PIP5K1C: variants seen among roughly 807,000 people sequenced by gnomAD.
PIP5K1C encodes phosphatidylinositol-4-phosphate 5-kinase type 1 gamma.
In PIP5K1C, 45 loss-of-function variants were observed where a neutral mutation model predicts 80.1. The observed-to-expected ratio is 0.56, with a 90% CI of 0.44 to 0.72. The LOEUF is 0.72. PIP5K1C is among the 30% of genes least tolerant of loss of function. The pLI, the probability that PIP5K1C is intolerant of heterozygous loss-of-function variation, is 0.00. For synonymous variants in PIP5K1C, 498 were observed against 420.1 expected (o/e 1.19, Z -2.27); for missense variants, 753 against 954.6 (o/e 0.79, Z 2.78).
intron 3 of PIP5K1C, among the ~76,000 whole-genome samples, chr19:3,663,858 AT>A (rs1311570119): frequency 6.6e-6 from 1 of 152,208 alleles, no homozygotes; most frequent in African/African-American, 2.4e-5. Flanking sequence ...TGACTTGGCA[AT>A]TCCACTCCTG....
rs1250389568 is a variant in PIP5K1C at position 3,637,460 on chromosome 19, GC to G, written c.1920+1423del. On this transcript the variant is annotated intron_variant, in intron 16 of 17. Transcript: ENST00000335312. The surrounding 1 kb of genome is among the most constrained non-coding windows in gnomAD (Gnocchi z 7.0). ...ACTGACGTCAGACACTGAGCTTCCG[GC>G]CGGGGACCTGCGGCTCCCTGCTGCC... is the stretch of plus-strand genomic sequence containing the variant. 18 of 1,535,704 alleles carry G rather than the reference GC, an allele frequency of 1.2e-5. No homozygotes were observed. The highest frequency in any genetic ancestry group is 1.6e-5 in the Non-Finnish European group (18 of 1,146,816).
intron 1 of PIP5K1C, among the ~76,000 whole-genome samples, chr19:3,677,316 C>A (rs1318083749): frequency 6.6e-6 from 1 of 151,996 alleles, no homozygotes; most frequent in Non-Finnish European, 1.5e-5. Context: ...TTTACGGTGG[C>A]TCACGCCTGT....
chr19:3,661,744 A>T, intron 4 of PIP5K1C, 127 bp downstream of exon 4: 1 of 1,128,258 alleles, frequency 8.9e-7, no homozygotes, highest in Non-Finnish European at 1.3e-6. Flanking sequence ...CCAGAGCTCA[A>T]GGCCAAGGAG....
intron 16 of PIP5K1C, 88 bp downstream of exon 16, chr19:3,638,796 T>A: frequency 6.5e-7 from 1 of 1,536,952 alleles, no homozygotes; most frequent in Non-Finnish European, 9.0e-7. Context: ...TGTGTGCAGG[T>A]GTGTGTATGC....
At chr19:3,667,770 A>C (rs1412638318) in intron 1 of PIP5K1C, among the ~76,000 whole-genome samples, 10 of 151,220 alleles carry the variant, frequency 6.6e-5, no homozygotes, top group African/African-American at 9.9e-5. Context: ...GGCAGTCAAC[A>C]ACTGAGCAGG....
chr19:3,633,599 A>G, intron 16 of PIP5K1C, 79 bp from the exon 17 acceptor site: 1 of 969,050 alleles, frequency 1.0e-6, no homozygotes, highest in Non-Finnish European at 1.4e-6. Context: ...GGGAGGAAGG[A>G]AGAGACAGGA....
intron 1 of PIP5K1C, among the ~76,000 whole-genome samples, chr19:3,682,052 A>C (rs2035606094): frequency 1.3e-5 from 2 of 152,124 alleles, no homozygotes; most frequent in African/African-American, 4.8e-5. Context: ...AGAGGGAGAC[A>C]AAGAGAAGGT....
intron 1 of PIP5K1C, among the ~76,000 whole-genome samples, chr19:3,674,763 C>A (rs1013376652): frequency 2.0e-5 from 3 of 152,218 alleles, no homozygotes; most frequent in Non-Finnish European, 4.4e-5. Flanking sequence ...GGCCTCCCAG[C>A]GTGCTGCGAT....
rs907096776 is a variant in PIP5K1C, at chr19:3,637,812, C to G, written c.1920+1072G>C. 36 of 1,534,980 alleles carry G rather than the reference C, an allele frequency of 2.3e-5. No homozygotes were observed. Among genetic ancestry groups the G allele is most frequent in the Non-Finnish European group, 3.1e-5 (36 of 1,146,650 alleles). On this transcript the variant is annotated intron_variant, in intron 16 of 17. Coordinates refer to ENST00000335312, the MANE Select transcript of PIP5K1C (RefSeq NM_012398.3). The surrounding 1 kb of genome is among the most constrained non-coding windows in gnomAD (Gnocchi z 7.0). ...ACCCTTCTCCCTTCTCTGCTGCCCACCTGGCAGGGCATCAGGACACAGACA... is the reference window on the plus strand; with the variant it reads ...ACCCTTCTCCCTTCTCTGCTGCCCAGCTGGCAGGGCATCAGGACACAGACA...
Position 3,698,162 on chromosome 19 carries a change from G to A in PIP5K1C, c.94+2135C>T, listed in dbSNP as rs545853597. The stretch of plus-strand genomic sequence containing the variant: ...TGAGCGGTGACTCCAGAAACCACGG[G>A]CATGGGCCTCAGCAGGGGCCTGGAG... On this transcript the variant is annotated intron_variant, in intron 1 of 17. Coordinates refer to ENST00000335312, the MANE Select transcript of PIP5K1C (RefSeq NM_012398.3). Among the ~76,000 whole-genome samples the A allele has an allele frequency of 2.6e-5, 4 of 152,374 alleles. No homozygotes were observed. In the South Asian group the frequency reaches 8.3e-4, roughly 32 times the overall value.
intron 7 of PIP5K1C, among the ~76,000 whole-genome samples, 154 bp from the exon 8 acceptor site, chr19:3,652,185 G>A (rs2034477165): frequency 6.6e-6 from 1 of 152,244 alleles, no homozygotes; most frequent in Non-Finnish European, 1.5e-5. Flanking sequence ...GGGTTCTAGT[G>A]TTATCCTGAG....
rs2035823034 is a variant in PIP5K1C, at chr19:3,688,074, G to A, written c.94+12223C>T. On this transcript the variant is annotated intron_variant, in intron 1 of 17. Transcript: ENST00000335312. This position sits in a 1 kb window ranked among gnomAD's most constrained non-coding sequence, Gnocchi z 5.3. ...GTCAGGGTGCACAGAGCACACGCCA[G>A]CCCCTGGGGGAAGCCCGGCCCGTGC... Among the ~76,000 whole-genome samples the A allele has an allele frequency of 6.6e-6, 1 of 152,128 alleles. No homozygotes were observed.
At chr19:3,683,681 G>A (rs931690384) in intron 1 of PIP5K1C, among the ~76,000 whole-genome samples, 1 of 152,292 alleles carries the variant, frequency 6.6e-6, no homozygotes, top group East Asian at 1.9e-4. Flanking sequence ...CCCAGTCTGC[G>A]TCACCACAGC....
intron 16 of PIP5K1C, among the ~76,000 whole-genome samples, chr19:3,634,017 C>T (rs1599911030): frequency 1.3e-5 from 2 of 152,100 alleles, no homozygotes; most frequent in African/African-American, 4.8e-5. Flanking sequence ...TATATGGCTG[C>T]CTGCGGGCAG....
rs976875698 is a variant in PIP5K1C, at chr19:3,692,195, G to T, written c.94+8102C>A. ...AAATGAGGAAACTGAGGCACGGAGC[G>T]GCTGGGCAACCGAACCCAATCATCT... On this transcript the variant is annotated intron_variant, in intron 1 of 17. Coordinates refer to ENST00000335312, the MANE Select transcript of PIP5K1C (RefSeq NM_012398.3). This position sits in a 1 kb window ranked among gnomAD's most constrained non-coding sequence, Gnocchi z 5.2. 6.6e-6 allele frequency among the ~76,000 whole-genome samples: 1 copy of T among 152,146 alleles called. No individual in the cohort carries two copies. Among genetic ancestry groups the T allele is most frequent in the African/African-American group, 2.4e-5 (1 of 41,420 alleles).
Position 3,644,072 on chromosome 19 carries a change from C to T in PIP5K1C, c.1510+15G>A, listed in dbSNP as rs1277999798. 6.2e-7 allele frequency: 1 copy of T among 1,609,802 alleles called. No homozygotes were observed. Among genetic ancestry groups the T allele is most frequent in the South Asian group, 1.1e-5 (1 of 91,010 alleles). The stretch of plus-strand genomic sequence containing the variant: ...CTGTAGCGCCCACAAGCGCACTCTG[C>T]CCTCTGCCCCTCACCTTCGTCCTCC... On this transcript the variant is annotated intron_variant, in intron 12 of 17. Coordinates refer to ENST00000335312, the MANE Select transcript of PIP5K1C (RefSeq NM_012398.3).
At chr19:3,668,605 C>T (rs925117386) in intron 1 of PIP5K1C, among the ~76,000 whole-genome samples, 2 of 152,172 alleles carry the variant, frequency 1.3e-5, no homozygotes, top group Non-Finnish European at 2.9e-5. Context: ...CTCCTGGCCT[C>T]GGAGCCCTGA....
At chr19:3,646,083 C>A (rs1265393569) in intron 10 of PIP5K1C, 25 bp from the exon 11 acceptor site, 1 of 1,494,988 alleles carries the variant, frequency 6.7e-7, no homozygotes, top group Non-Finnish European at 9.3e-7. Flanking sequence ...GGGGGGGTGC[C>A]CGGGGGCAGA....
At position 3,678,054 on chromosome 19, in the gene PIP5K1C, T is replaced by C. The variant is rs371819723; in HGVS notation, c.95-10701A>G. On this transcript the variant is annotated intron_variant, in intron 1 of 17. Coordinates refer to ENST00000335312, the MANE Select transcript of PIP5K1C (RefSeq NM_012398.3). ...GGATGGAGAATGGAGGGATGGAGAA[T>C]GGAGGGATGGAGAGATGGAAGGAGA... is the stretch of plus-strand genomic sequence containing the variant. 1.2e-3 allele frequency among the ~76,000 whole-genome samples: 69 copies of C among 58,974 alleles called. 1 individual carries two copies. Among genetic ancestry groups the C allele is most frequent in the African/African-American group, 5.0e-3 (67 of 13,432 alleles). The allele number at this position is 58,974 out of a possible 152,430, so 38.7% of individuals were successfully genotyped here. A position where few individuals can be genotyped will look rare whatever the true frequency, so the allele number is the denominator to read the frequency against.
Sources: gnomAD v4.1 joint callset for allele counts (sites outside exome capture counted in the v4.1 genomes callset) on GRCh38, gnomAD v4.1.1 for gene constraint, Gnocchi (gnomAD v3.1) non-coding constraint, MANE v1.5 for transcripts, NCBI Gene and HGNC (gene_info 2026-07-23, HGNC 2026-07-21) for gene names.